TSPAN5: variants seen among roughly 807,000 people sequenced by gnomAD.
TSPAN5 encodes tetraspanin-5.
A neutral mutation model predicts 37.1 loss-of-function variants in TSPAN5; 10 were observed. That is an observed-to-expected ratio of 0.27 (90% confidence interval 0.17 to 0.46). TSPAN5 has a LOEUF of 0.46. Among genes scored for constraint, TSPAN5 ranks in the 20% least tolerant of loss-of-function variants. TSPAN5 has a pLI of 1.00. For synonymous variants in TSPAN5, 110 were observed against 118.9 expected (o/e 0.93, Z 0.48); for missense variants, 195 against 326.6 (o/e 0.60, Z 3.11).
At chr4:98,567,907 T>G (rs1375621946) in intron 1 of TSPAN5, among the ~76,000 whole-genome samples, 2 of 144,116 alleles carry the variant, frequency 1.4e-5, no homozygotes, top group Non-Finnish European at 3.0e-5. Context: ...TCATCTGGTC[T>G]CCATCAGTCC....
At chr4:98,559,050 C>T (rs1230478447) in intron 1 of TSPAN5, among the ~76,000 whole-genome samples, 1 of 152,168 alleles carries the variant, frequency 6.6e-6, no homozygotes, top group Admixed American at 6.5e-5. Context: ...TTGCCTAAAA[C>T]CTGTACTGTC....
intron 1 of TSPAN5, among the ~76,000 whole-genome samples, chr4:98,625,672 T>C (rs909043722): frequency 1.3e-5 from 2 of 152,238 alleles, no homozygotes; most frequent in East Asian, 1.9e-4. Flanking sequence ...AATGGCTTCA[T>C]CCGACCTACT....
intron 1 of TSPAN5, among the ~76,000 whole-genome samples, chr4:98,612,678 T>A (rs1455276143): frequency 6.6e-6 from 1 of 152,056 alleles, no homozygotes; most frequent in Non-Finnish European, 1.5e-5. Flanking sequence ...AGGAGCACCA[T>A]CCTCTCCCGC....
chr4:98,529,527 A>G (rs1257211886), intron 1 of TSPAN5, among the ~76,000 whole-genome samples: 1 of 152,180 alleles, frequency 6.6e-6, no homozygotes, highest in East Asian at 1.9e-4. Context: ...CAGGACAACC[A>G]CTGAAGTAAA....
chr4:98,534,049 C>T (rs1310064337), intron 1 of TSPAN5, among the ~76,000 whole-genome samples: 1 of 139,496 alleles, frequency 7.2e-6, no homozygotes, highest in African/African-American at 2.7e-5. Flanking sequence ...TATTTCTTGT[C>T]TTCTGCTAGC....
chr4:98,491,506 A>G (rs899223194), intron 2 of TSPAN5, among the ~76,000 whole-genome samples: 1 of 152,114 alleles, frequency 6.6e-6, no homozygotes, highest in Non-Finnish European at 1.5e-5. Flanking sequence ...TGGCCAACAC[A>G]GTGAAACCCA....
chr4:98,587,552 C>T (rs920000782), intron 1 of TSPAN5, among the ~76,000 whole-genome samples: 11 of 152,166 alleles, frequency 7.2e-5, no homozygotes, highest in Non-Finnish European at 8.8e-5. Flanking sequence ...AAACTCCGCC[C>T]ATCCATACCC....
intron 4 of TSPAN5, 134 bp from the exon 5 acceptor site, chr4:98,478,944 A>T: frequency 9.2e-7 from 1 of 1,088,500 alleles, no homozygotes; most frequent in Non-Finnish European, 1.3e-6. Context: ...TTTTAAGCCA[A>T]ACTGAACCTA....
intron 1 of TSPAN5, among the ~76,000 whole-genome samples, chr4:98,525,282 T>C (rs200912678): frequency 1.3e-5 from 2 of 152,202 alleles, no homozygotes; most frequent in African/African-American, 2.4e-5. Flanking sequence ...TTCAGTAACA[T>C]TGATGAGAGG....
intron 2 of TSPAN5, chr4:98,496,486 A>G (rs1753216475): frequency 6.6e-6 from 1 of 152,252 alleles, no homozygotes; most frequent in Admixed American, 6.5e-5. Flanking sequence ...CTTGTCAAAA[A>G]AGGTCATTAG....
intron 1 of TSPAN5, among the ~76,000 whole-genome samples, chr4:98,548,889 GTGTGTGT>G (rs1560532769): frequency 8.7e-4 from 128 of 146,940 alleles, no homozygotes; most frequent in Non-Finnish European, 1.4e-3. Flanking sequence ...ATTCCAAGGT[GTGTGTGT>G]GTGTGTGTGT....
chr4:98,523,504 G>A (rs757786742), intron 1 of TSPAN5, among the ~76,000 whole-genome samples: 2 of 152,066 alleles, frequency 1.3e-5, no homozygotes, highest in Middle Eastern at 3.2e-3. Flanking sequence ...GCGCGTGCTC[G>A]GCTCACTGCA....
chr4:98,630,008 CA>C (rs1320989712), intron 1 of TSPAN5, among the ~76,000 whole-genome samples: 1 of 152,142 alleles, frequency 6.6e-6, no homozygotes, highest in African/African-American at 2.4e-5. Context: ...CTCGACTAAC[CA>C]ACCCAAACGC....
At position 98,495,103 on chromosome 4, in the gene TSPAN5, G is replaced by T. The variant is rs566845420; in HGVS notation, c.133-8219C>A. Among the ~76,000 whole-genome samples, 11 of 152,304 alleles carry T rather than the reference G, an allele frequency of 7.2e-5. No individual in the cohort carries two copies. The South Asian group carries it at 1.5e-3, about 20-fold the overall frequency. On this transcript the variant is annotated intron_variant, in intron 2 of 7. Transcript: ENST00000305798. The stretch of plus-strand genomic sequence containing the variant: ...GAGCAAGGATACCTCTGTTGCTGGG[G>T]TGCTGACTGGCACACTGGTTGTCAG...
At chr4:98,521,784 C>T (rs1753862263) in intron 1 of TSPAN5, among the ~76,000 whole-genome samples, 1 of 152,176 alleles carries the variant, frequency 6.6e-6, no homozygotes, top group African/African-American at 2.4e-5. Context: ...ATCACAAATG[C>T]TCTCTCTATG....
At chr4:98,634,067 G>A (rs1222057116) in intron 1 of TSPAN5, among the ~76,000 whole-genome samples, 2 of 149,288 alleles carry the variant, frequency 1.3e-5, no homozygotes, top group African/African-American at 4.9e-5. Flanking sequence ...CAACAAGAGC[G>A]AAACTCTGTC....
intron 2 of TSPAN5, among the ~76,000 whole-genome samples, chr4:98,504,863 T>C (rs1457899877): frequency 6.6e-6 from 1 of 152,054 alleles, no homozygotes; most frequent in Non-Finnish European, 1.5e-5. Flanking sequence ...ACACTGATCA[T>C]AAACTGGGTG....
At chr4:98,563,559 C>T (rs1754924309) in intron 1 of TSPAN5, among the ~76,000 whole-genome samples, 1 of 152,210 alleles carries the variant, frequency 6.6e-6, no homozygotes, top group Non-Finnish European at 1.5e-5. Context: ...CACCCCTACA[C>T]ATACACATGC....
chr4:98,522,529 T>C (rs949339525), intron 1 of TSPAN5, among the ~76,000 whole-genome samples: 1 of 152,242 alleles, frequency 6.6e-6, no homozygotes, highest in African/African-American at 2.4e-5. Context: ...ATCCCCTTAA[T>C]AGTTGCACTG....
Sources: allele counts gnomAD v4.1 joint callset (sites outside exome capture counted in the v4.1 genomes callset), GRCh38; gene constraint gnomAD v4.1.1; transcripts MANE v1.5; gene names NCBI Gene and HGNC (gene_info 2026-07-23, HGNC 2026-07-21).